Variants in SGCZ observed in about 807,000 individuals in gnomAD.
The protein encoded by SGCZ is zeta-sarcoglycan.
In SGCZ, 40 loss-of-function variants were observed where a neutral mutation model predicts 41.3. That is an observed-to-expected ratio of 0.97 (90% CI 0.75 to 1.26). The LOEUF (loss-of-function observed/expected upper bound fraction) is 1.26, where lower values mean the gene tolerates loss of function less well. Ranked by LOEUF, SGCZ falls within the 50% of genes most tolerant of loss-of-function variation. The pLI, the probability that SGCZ is intolerant of heterozygous loss-of-function variation, is 0.00. For synonymous variants in SGCZ, 206 were observed against 137.5 expected (o/e 1.50, Z -3.49); for missense variants, 552 against 369.8 (o/e 1.49, Z -4.04).
At chr8:14,707,226 T>C (rs1809362369) in intron 1 of SGCZ, among the ~76,000 whole-genome samples, 1 of 129,148 alleles carries the variant, frequency 7.7e-6, no homozygotes, top group Non-Finnish European at 1.6e-5. Flanking sequence ...ATGTTCCCCT[T>C]CCTGTGTCCA....
intron 2 of SGCZ, among the ~76,000 whole-genome samples, chr8:14,468,677 A>T (rs528497800): frequency 6.6e-6 from 1 of 152,078 alleles, no homozygotes; most frequent in Non-Finnish European, 1.5e-5. Flanking sequence ...AGACACTAAC[A>T]CCTTAAGTAA....
intron 1 of SGCZ, among the ~76,000 whole-genome samples, chr8:15,074,476 G>C (rs1805461670): frequency 1.3e-5 from 2 of 151,964 alleles, no homozygotes; most frequent in African/African-American, 2.4e-5. Flanking sequence ...ATTCTCCTTA[G>C]TCTTTTAAAG....
At chr8:14,444,105 C>A (rs1203458575) in intron 2 of SGCZ, among the ~76,000 whole-genome samples, 1 of 152,142 alleles carries the variant, frequency 6.6e-6, no homozygotes, top group African/African-American at 2.4e-5. Flanking sequence ...ATCAAAACCA[C>A]AATGAGATAC....
chr8:14,380,144 A>G (rs113705552), intron 2 of SGCZ, among the ~76,000 whole-genome samples: 2,949 of 152,222 alleles, frequency 0.019, 80 homozygotes, highest in African/African-American at 0.055. Context: ...GGGCATGAGA[A>G]TTTTCCCCAA....
At position 14,638,060 on chromosome 8, in the gene SGCZ, C is replaced by T. The variant is rs146052404; in HGVS notation, c.40-83134G>A. On this transcript the variant is annotated intron_variant, in intron 1 of 7. Transcript: ENST00000382080. ...TGTAGTTTGATTTGTATTTCTCTGA[C>T]GATCAGTGACGTTGAGCATTTTTTC... 3.9e-5 allele frequency among the ~76,000 whole-genome samples: 6 copies of T among 151,916 alleles called. No individual in the cohort carries two copies. The East Asian group carries it at 7.8e-4, about 20-fold the overall frequency.
intron 1 of SGCZ, among the ~76,000 whole-genome samples, chr8:15,115,821 C>A (rs1807247231): frequency 6.6e-6 from 1 of 152,168 alleles, no homozygotes. Context: ...ACAACTTTTT[C>A]TGCTGTAAAG....
intron 7 of SGCZ, among the ~76,000 whole-genome samples, chr8:14,099,887 A>T (rs988332191): frequency 8.5e-5 from 13 of 152,134 alleles, no homozygotes; most frequent in African/African-American, 3.1e-4. Flanking sequence ...TATGCCTGAA[A>T]TGACTATGAA....
At chr8:14,146,105 A>G (rs756184866) in intron 5 of SGCZ, among the ~76,000 whole-genome samples, 42 of 152,200 alleles carry the variant, frequency 2.8e-4, no homozygotes, top group Non-Finnish European at 4.1e-4. Context: ...TACAACACCA[A>G]GCAGATTCAA....
At chr8:14,894,532 G>A (rs1805124724) in intron 1 of SGCZ, among the ~76,000 whole-genome samples, 1 of 152,158 alleles carries the variant, frequency 6.6e-6, no homozygotes, top group Middle Eastern at 3.4e-3. Flanking sequence ...TTTGCTTCAG[G>A]TCACAATGAA....
chr8:14,822,380 A>G (rs938262848), intron 1 of SGCZ, among the ~76,000 whole-genome samples: 13 of 152,222 alleles, frequency 8.5e-5, no homozygotes, highest in African/African-American at 3.1e-4. Flanking sequence ...CATGAACTGG[A>G]AGAATTAACA....
chr8:15,015,238 A>G (rs1446582202), intron 1 of SGCZ, among the ~76,000 whole-genome samples: 1 of 150,892 alleles, frequency 6.6e-6, no homozygotes, highest in East Asian at 1.9e-4. Flanking sequence ...GTGAGACTCC[A>G]TCTTAAAAAA....
chr8:14,839,781 T>G (rs1285241697), intron 1 of SGCZ, among the ~76,000 whole-genome samples: 1 of 152,194 alleles, frequency 6.6e-6, no homozygotes, highest in Non-Finnish European at 1.5e-5. Context: ...AAAATAATTT[T>G]ATTTGGACAC....
rs545628060 is a variant in SGCZ at position 14,143,042 on chromosome 8, T to C, written c.547+21538A>G. Reference sequence around the variant, plus strand: ...CAACCAACATAAGCCCCTGTGTCAATAGGCTAAAAAAGAAAAATCATATGA... The same window carrying C: ...CAACCAACATAAGCCCCTGTGTCAACAGGCTAAAAAAGAAAAATCATATGA... On this transcript the variant is annotated intron_variant, in intron 5 of 7. Transcript: ENST00000382080. Among the ~76,000 whole-genome samples the C allele has an allele frequency of 1.5e-3, 219 of 148,606 alleles. 1 individual carries two copies. The highest frequency in any genetic ancestry group is 1.6e-3 in the Non-Finnish European group (106 of 66,988).
chr8:14,294,901 A>C (rs1800960623), intron 3 of SGCZ, among the ~76,000 whole-genome samples: 1 of 152,106 alleles, frequency 6.6e-6, no homozygotes, highest in Non-Finnish European at 1.5e-5. Context: ...AATAATAACA[A>C]CAATTCTGCA....
intron 4 of SGCZ, among the ~76,000 whole-genome samples, chr8:14,228,498 T>C (rs968253853): frequency 6.6e-6 from 1 of 152,128 alleles, no homozygotes; most frequent in Non-Finnish European, 1.5e-5. Flanking sequence ...TACTCATATT[T>C]TGAATAAACT....
intron 1 of SGCZ, among the ~76,000 whole-genome samples, chr8:14,899,060 G>A (rs77281474): frequency 0.013 from 1,971 of 151,930 alleles, 38 homozygotes; most frequent in African/African-American, 0.045. Flanking sequence ...TTAAGAAGTC[G>A]TTTTCCTTAA....
At chr8:15,228,430 T>C (rs1345938738) in intron 1 of SGCZ, among the ~76,000 whole-genome samples, 1 of 152,154 alleles carries the variant, frequency 6.6e-6, no homozygotes, top group South Asian at 2.1e-4. Flanking sequence ...TTTAAGAAAC[T>C]TGATGAGATG....
At chr8:14,228,662 A>G (rs1806457079) in intron 4 of SGCZ, among the ~76,000 whole-genome samples, 1 of 152,036 alleles carries the variant, frequency 6.6e-6, no homozygotes, top group African/African-American at 2.4e-5. Flanking sequence ...GGGGCGGCCT[A>G]AGTAGTGCTA....
In SGCZ at chr8:14,126,758, G is replaced by A. The variant is rs993413569; in HGVS notation, c.548-18523C>T. 2.6e-5 allele frequency among the ~76,000 whole-genome samples: 4 copies of A among 152,228 alleles called. No homozygotes were observed. In the East Asian group the frequency reaches 5.8e-4, roughly 22 times the overall value. Reference sequence around the variant, plus strand: ...CCAAATGCCCATCAGTCATCAACTGGGTAAAGAAAATGTGGTGCATATACA... The same window carrying A: ...CCAAATGCCCATCAGTCATCAACTGAGTAAAGAAAATGTGGTGCATATACA... On this transcript the variant is annotated intron_variant, in intron 5 of 7. Transcript: ENST00000382080.
Sources: gnomAD v4.1 joint callset for allele counts (sites outside exome capture counted in the v4.1 genomes callset) on GRCh38, gnomAD v4.1.1 for gene constraint, MANE v1.5 for transcripts, NCBI Gene and HGNC (gene_info 2026-07-23, HGNC 2026-07-21) for gene names.